The following GCA variants were observed in gnomAD, a reference collection of about 807,000 sequenced individuals.
The protein encoded by GCA is grancalcin, EF-hand calcium-binding protein.
In GCA, 30 loss-of-function variants were observed where a neutral mutation model predicts 32.6. The ratio of observed to expected loss-of-function variants is 0.92; its 90% CI spans 0.69 to 1.25. The LOEUF (loss-of-function observed/expected upper bound fraction) is 1.25, where lower values mean the gene tolerates loss of function less well. Ranked by LOEUF, GCA falls within the 50% of genes most tolerant of loss-of-function variation. GCA has a pLI of 0.00. For synonymous variants in GCA, 102 were observed against 84.6 expected (o/e 1.21, Z -1.13); for missense variants, 291 against 266.8 (o/e 1.09, Z -0.63).
At chr2:162,323,422 G>T (rs13405195) in intron 1 of GCA, among the ~76,000 whole-genome samples, 1 of 151,618 alleles carries the variant, frequency 6.6e-6, no homozygotes, top group South Asian at 2.1e-4. Flanking sequence ...ATTAGATACC[G>T]TTTGTCAATT....
At chr2:162,319,392 G>T (rs1683585889) in intron 1 of GCA, 2 of 316,574 alleles carry the variant, frequency 6.3e-6, no homozygotes, top group Non-Finnish European at 1.3e-5. Context: ...CTAGATCCCA[G>T]CTTGTAAGTT....
chr2:162,350,513 T>G (rs1684938200), intron 2 of GCA, among the ~76,000 whole-genome samples: 1 of 152,208 alleles, frequency 6.6e-6, no homozygotes, highest in South Asian at 2.1e-4. Context: ...CATTATACCA[T>G]TGCCATTTTA....
At position 162,362,973 on chromosome 2, in the gene GCA, T is replaced by G. The variant is rs1348945581; in HGVS notation, c.*2730T>G. On this transcript the variant is annotated 3_prime_UTR_variant, in exon 8 of 8. Coordinates refer to ENST00000437150, the MANE Select transcript of GCA (RefSeq NM_012198.5). Reference sequence around the variant, plus strand: ...TTACCCTAGAAGAAAGTAGAATCTGTTAATACAGTTTAAAGTCTGTGGAGT... The same window carrying G: ...TTACCCTAGAAGAAAGTAGAATCTGGTAATACAGTTTAAAGTCTGTGGAGT... 6.6e-6 allele frequency among the ~76,000 whole-genome samples: 1 copy of G among 151,416 alleles called. No homozygotes were observed. The highest frequency in any genetic ancestry group is 1.5e-5 in the Non-Finnish European group (1 of 67,536).
chr2:162,342,634 A>G (rs1049273514), upstream of GCA, among the ~76,000 whole-genome samples: 5 of 152,224 alleles, frequency 3.3e-5, no homozygotes, highest in Non-Finnish European at 5.9e-5. Flanking sequence ...GCAGAAAGGC[A>G]AGAAACCCAT....
chr2:162,326,871 G>A (rs1683902799), intron 1 of GCA, among the ~76,000 whole-genome samples: 1 of 152,168 alleles, frequency 6.6e-6, no homozygotes, highest in African/African-American at 2.4e-5. Context: ...GAGAAAGCAA[G>A]CGTCCTCCCT....
downstream of GCA, among the ~76,000 whole-genome samples, chr2:162,365,435 T>TA (rs1249346444): frequency 6.6e-6 from 1 of 151,648 alleles, no homozygotes; most frequent in Non-Finnish European, 1.5e-5. Flanking sequence ...AAATATTTAC[T>TA]AAAAAATAAA....
chr2:162,365,168 C>T (rs930605684), downstream of GCA, among the ~76,000 whole-genome samples: 1 of 151,068 alleles, frequency 6.6e-6, no homozygotes, highest in African/African-American at 2.4e-5. Flanking sequence ...TTCTTTTTCC[C>T]CAAAATAATT....
chr2:162,365,066 A>G (rs901095586), downstream of GCA, among the ~76,000 whole-genome samples: 3 of 151,516 alleles, frequency 2.0e-5, no homozygotes, highest in Non-Finnish European at 4.4e-5. Flanking sequence ...CATCAGCACC[A>G]CCATGCCTAT....
At chr2:162,331,778 G>T (rs542561472) in intron 1 of GCA, among the ~76,000 whole-genome samples, 1 of 152,116 alleles carries the variant, frequency 6.6e-6, no homozygotes, top group Non-Finnish European at 1.5e-5. Flanking sequence ...GAGACAAACT[G>T]TATATATATA....
intron 1 of GCA, among the ~76,000 whole-genome samples, chr2:162,324,327 G>A (rs1683797745): frequency 6.6e-6 from 1 of 152,114 alleles, no homozygotes; most frequent in Non-Finnish European, 1.5e-5. Context: ...TTGAGTGGAG[G>A]TAGCTCAGGG....
chr2:162,366,400 A>G (rs1685751918), downstream of GCA, among the ~76,000 whole-genome samples: 2 of 151,910 alleles, frequency 1.3e-5, no homozygotes, highest in South Asian at 4.1e-4. Flanking sequence ...AACATGTTTT[A>G]AATAACTTGT....
Position 162,360,690 on chromosome 2 carries a change from A to G in GCA, c.*447A>G. ...TGTTTGAGGGTTGGCTAGAAATGAAAGCCTGGATTTTGTGCCATGTTTGTA... is the reference window on the plus strand; with the variant it reads ...TGTTTGAGGGTTGGCTAGAAATGAAGGCCTGGATTTTGTGCCATGTTTGTA... On this transcript the variant is annotated 3_prime_UTR_variant, in exon 8 of 8. Coordinates refer to ENST00000437150, the MANE Select transcript of GCA (RefSeq NM_012198.5). 2 of 1,348,890 alleles carry G rather than the reference A, an allele frequency of 1.5e-6. No homozygotes were observed. Among genetic ancestry groups the G allele is most frequent in the Non-Finnish European group, 9.5e-7 (1 of 1,051,628 alleles). 83.6% of individuals were successfully genotyped at this position (1,348,890 alleles called of 1,614,324 possible).
downstream of GCA, among the ~76,000 whole-genome samples, chr2:162,372,567 T>G (rs1198459938): frequency 1.3e-5 from 2 of 150,990 alleles, no homozygotes; most frequent in African/African-American, 5.0e-5. Flanking sequence ...TTCCCAGTCA[T>G]TCAAAACTAG....
downstream of GCA, chr2:162,371,970 G>C: frequency 6.2e-7 from 1 of 1,613,838 alleles, no homozygotes; most frequent in South Asian, 1.1e-5. Context: ...GCTCTAAAGA[G>C]AGATCACTGT....
chr2:162,323,270 G>A (rs1204113786), intron 1 of GCA, among the ~76,000 whole-genome samples: 1 of 151,722 alleles, frequency 6.6e-6, no homozygotes, highest in East Asian at 1.9e-4. Flanking sequence ...TTTTTTTCTT[G>A]TAAATTTGTT....
intron 1 of GCA, among the ~76,000 whole-genome samples, chr2:162,330,393 C>A (rs115079580): frequency 1.3e-5 from 2 of 152,128 alleles, no homozygotes; most frequent in Non-Finnish European, 2.9e-5. Context: ...AGTAAGGCAA[C>A]GCTGCAGTAG....
chr2:162,358,189 A>C (rs1685382653), intron 5 of GCA, among the ~76,000 whole-genome samples: 1 of 151,552 alleles, frequency 6.6e-6, no homozygotes, highest in Non-Finnish European at 1.5e-5. Flanking sequence ...CTGGGCTACC[A>C]TTCTTCTTAG....
chr2:162,367,489 ATTACT>A (rs1218242986), downstream of GCA, among the ~76,000 whole-genome samples: 2 of 151,984 alleles, frequency 1.3e-5, no homozygotes, highest in South Asian at 2.1e-4. Flanking sequence ...TGATCGACAG[ATTACT>A]TTACATACTT....
At chr2:162,358,902 A>G in intron 5 of GCA, 142 bp from the exon 6 acceptor site, 1 of 509,460 alleles carries the variant, frequency 2.0e-6, no homozygotes, top group Non-Finnish European at 3.5e-6. Context: ...TGTCTGATGA[A>G]TTTCAATATT....
Sources: gnomAD v4.1 joint callset for allele counts (sites outside exome capture counted in the v4.1 genomes callset) on GRCh38, gnomAD v4.1.1 for gene constraint, MANE v1.5 for transcripts, NCBI Gene and HGNC (gene_info 2026-07-23, HGNC 2026-07-21) for gene names.